HMGA2: variants seen among roughly 807,000 people sequenced by gnomAD.
HMGA2 encodes high mobility group protein HMGI-C.
A neutral mutation model predicts 19.1 loss-of-function variants in HMGA2; 8 were observed. The ratio of observed to expected loss-of-function variants is 0.42; its 90% CI spans 0.25 to 0.76. HMGA2 has a LOEUF of 0.76. Among genes scored for constraint, HMGA2 ranks in the 30% least tolerant of loss-of-function variants. HMGA2 has a pLI of 0.28. For synonymous variants in HMGA2, 60 were observed against 48.8 expected, an observed-to-expected ratio of 1.23 and a Z score of -0.96; for missense variants, 109 against 136.3, an observed-to-expected ratio of 0.80 and a Z score of 1.00.
chr12:65,828,372 C>CG (rs148331232), intron 2 of HMGA2: 24,486 of 144,460 alleles, frequency 0.17, 2,106 homozygotes, highest in Non-Finnish European at 0.22. Context: ...GAAGGGGTTG[C>CG]GGGGGGGGCG....
chr12:65,923,942 G>A (rs914618662), intron 3 of HMGA2, among the ~76,000 whole-genome samples: 7 of 152,152 alleles, frequency 4.6e-5, no homozygotes, highest in African/African-American at 9.7e-5. Flanking sequence ...CTGGCGGGGC[G>A]GAGGTTGCAG....
intron 3 of HMGA2, among the ~76,000 whole-genome samples, chr12:65,933,852 A>G (rs10878349): frequency 0.54 from 81,840 of 151,976 alleles, 22,781 homozygotes; most frequent in East Asian, 0.89. Flanking sequence ...TTGAACCCAT[A>G]GGGCCATGAA....
intron 3 of HMGA2, among the ~76,000 whole-genome samples, chr12:65,911,364 A>C (rs764839617): frequency 1.0e-3 from 155 of 152,194 alleles, no homozygotes; most frequent in Non-Finnish European, 1.8e-3. Context: ...ATAGCTTAAT[A>C]ATGGGCTGGT....
chr12:65,833,919 A>T (rs1870587907), intron 2 of HMGA2, among the ~76,000 whole-genome samples: 1 of 152,200 alleles, frequency 6.6e-6, no homozygotes, highest in South Asian at 2.1e-4. Flanking sequence ...ATTTTAAAAT[A>T]AGGGGAGGGA....
At chr12:65,901,124 C>A (rs959079139) in intron 3 of HMGA2, among the ~76,000 whole-genome samples, 4 of 152,150 alleles carry the variant, frequency 2.6e-5, no homozygotes, top group African/African-American at 7.2e-5. Context: ...ATGGTAGGAG[C>A]ATTTACACCA....
At chr12:65,877,789 G>A (rs1873127891) in intron 3 of HMGA2, among the ~76,000 whole-genome samples, 1 of 150,412 alleles carries the variant, frequency 6.6e-6, no homozygotes, top group African/African-American at 2.5e-5. Flanking sequence ...TTTTTTTTTA[G>A]GCCTCTTCCC....
intron 3 of HMGA2, among the ~76,000 whole-genome samples, chr12:65,928,957 C>CATGTATGTATGTATGT (rs370239997): frequency 1.3e-5 from 2 of 152,072 alleles, no homozygotes; most frequent in African/African-American, 4.8e-5. Context: ...TGTATATATG[C>CATGTATGTATGTATGT]ATGTATGTAT....
Position 65,964,464 on chromosome 12 carries a change from T to A in HMGA2, c.*1172T>A, listed in dbSNP as rs1876849761. 4.5e-6 allele frequency: 1 copy of A among 220,508 alleles called. No individual in the cohort carries two copies. Among genetic ancestry groups the A allele is most frequent in the African/African-American group, 2.2e-5 (1 of 44,702 alleles). The allele number at this position is 220,508 out of a possible 1,614,324, so 13.7% of individuals were successfully genotyped here. On this transcript the variant is annotated 3_prime_UTR_variant, in exon 5 of 5. Transcript: ENST00000403681. Reference sequence around the variant, plus strand: ...TTTGACATAAGATGGTTGACCAAGGTGCTTTTCTTCGGCTTGAGTTCACCA... The same window carrying A: ...TTTGACATAAGATGGTTGACCAAGGAGCTTTTCTTCGGCTTGAGTTCACCA...
intron 3 of HMGA2, among the ~76,000 whole-genome samples, chr12:65,877,311 C>G (rs1416690797): frequency 1.3e-5 from 2 of 152,120 alleles, no homozygotes; most frequent in Admixed American, 6.5e-5. Context: ...TTTAGGAGTT[C>G]TGGCAGAAGC....
At chr12:65,870,895 G>A (rs992156188) in intron 3 of HMGA2, among the ~76,000 whole-genome samples, 1 of 152,188 alleles carries the variant, frequency 6.6e-6, no homozygotes, top group African/African-American at 2.4e-5. Flanking sequence ...CCATGGGTGA[G>A]GGGGTGGATG....
intron 3 of HMGA2, among the ~76,000 whole-genome samples, chr12:65,939,745 T>C (rs927627591): frequency 6.6e-6 from 1 of 152,192 alleles, no homozygotes; most frequent in East Asian, 1.9e-4. Flanking sequence ...GGTAACATTC[T>C]ACAGAAATGA....
intron 3 of HMGA2, among the ~76,000 whole-genome samples, chr12:65,901,852 A>G (rs1874385602): frequency 6.6e-6 from 1 of 152,138 alleles, no homozygotes; most frequent in African/African-American, 2.4e-5. Flanking sequence ...CGAAGGACAC[A>G]AGCAGAACTT....
intron 3 of HMGA2, chr12:65,881,393 C>T (rs541700741): frequency 1.4e-5 from 4 of 290,462 alleles, no homozygotes; most frequent in Admixed American, 4.6e-5. Flanking sequence ...CATCTGCCTT[C>T]CCTCCAACAT....
At chr12:65,875,702 C>T (rs755478037) in intron 3 of HMGA2, among the ~76,000 whole-genome samples, 10 of 144,652 alleles carry the variant, frequency 6.9e-5, no homozygotes, top group Non-Finnish European at 1.5e-4. Flanking sequence ...CCGCCTGACT[C>T]GGCCTTCCAA....
At chr12:65,842,798 T>C (rs1871058547) in intron 3 of HMGA2, 1 of 1,376,268 alleles carries the variant, frequency 7.3e-7, no homozygotes, top group African/African-American at 1.4e-5. Flanking sequence ...CATTTTTCTA[T>C]TCTTGCCTAG....
chr12:65,852,179 C>G (rs1330562864), intron 3 of HMGA2, among the ~76,000 whole-genome samples: 1 of 151,190 alleles, frequency 6.6e-6, no homozygotes, highest in Non-Finnish European at 1.5e-5. Context: ...CATAAGGTAA[C>G]AGCAGTAAGT....
chr12:65,851,749 T>C, intron 3 of HMGA2: 1 of 352,820 alleles, frequency 2.8e-6, no homozygotes, highest in South Asian at 2.1e-5. Context: ...CATTCCCAAG[T>C]CTTTCTCACT....
intron 3 of HMGA2, among the ~76,000 whole-genome samples, chr12:65,891,545 A>G (rs1400556480): frequency 6.6e-6 from 1 of 152,222 alleles, no homozygotes; most frequent in Non-Finnish European, 1.5e-5. Flanking sequence ...TCTGGCTGAC[A>G]AATGTTTCAT....
chr12:65,908,128 T>G (rs774833731), intron 3 of HMGA2, among the ~76,000 whole-genome samples: 3 of 152,236 alleles, frequency 2.0e-5, no homozygotes, highest in Non-Finnish European at 4.4e-5. Context: ...AAATTTGGTA[T>G]AATTTTGTTG....
Sources: allele counts gnomAD v4.1 joint callset (sites outside exome capture counted in the v4.1 genomes callset), GRCh38; gene constraint gnomAD v4.1.1; transcripts MANE v1.5; gene names NCBI Gene and HGNC (gene_info 2026-07-23, HGNC 2026-07-21).